GPR132: variants seen among roughly 807,000 people sequenced by gnomAD.
GPR132 encodes the protein probable G protein-coupled receptor 132.
In GPR132, 4 loss-of-function variants were observed where a neutral mutation model predicts 1.9. The observed-to-expected ratio is 2.13, with a 90% CI of 1.05 to 4.87. GPR132 has a LOEUF of 4.87. GPR132 is among the 30% of genes most tolerant of loss of function. The probability of loss-of-function intolerance (pLI) is 0.01; values close to 1 mark genes in which losing one functional copy is unlikely to be tolerated. For synonymous variants in GPR132, 233 were observed against 234.2 expected, an observed-to-expected ratio of 0.99 and a Z score of 0.05; for missense variants, 404 against 512.5, an observed-to-expected ratio of 0.79 and a Z score of 2.04.
intron 1 of GPR132, among the ~76,000 whole-genome samples, chr14:105,065,075 T>C (rs1231835944): frequency 6.6e-6 from 1 of 151,838 alleles, no homozygotes; most frequent in African/African-American, 2.4e-5. Flanking sequence ...TCTGGACCAG[T>C]AGCCAGGGAA....
In GPR132 at chr14:105,049,523, A is replaced by G. The variant is rs1483836921; in HGVS notation, c.*1471T>C. ...ACTGATCCTCCCGTCTCGGCCTCCCAAAGTGCTGGGATGACAGGCGTGAGC... is the reference window on the plus strand; with the variant it reads ...ACTGATCCTCCCGTCTCGGCCTCCCGAAGTGCTGGGATGACAGGCGTGAGC... On this transcript the variant is annotated 3_prime_UTR_variant, in exon 4 of 4. Transcript: ENST00000329797. 2.6e-5 allele frequency: 4 copies of G among 152,084 alleles called. No individual in the cohort carries two copies. 9.4% of individuals were successfully genotyped at this position (152,084 alleles called of 1,614,324 possible).
At chr14:105,054,070 T>A in intron 3 of GPR132, 2 of 1,288,756 alleles carry the variant, frequency 1.6e-6, no homozygotes, top group Non-Finnish European at 2.0e-6. Flanking sequence ...CTGCCCACTC[T>A]GGCTGAGTTC....
intron 3 of GPR132, among the ~76,000 whole-genome samples, 174 bp from the exon 4 acceptor site, chr14:105,052,276 C>A (rs1261103091): frequency 6.6e-6 from 1 of 152,192 alleles, no homozygotes; most frequent in African/African-American, 2.4e-5. Context: ...GGATCTCCAA[C>A]CTAGCAGCGT....
Position 105,060,814 on chromosome 14 carries a change from C to T in GPR132, c.-860-3534G>A, listed in dbSNP as rs1302365520. 6.6e-6 allele frequency among the ~76,000 whole-genome samples: 1 copy of T among 152,250 alleles called. No individual in the cohort carries two copies. Among genetic ancestry groups the T allele is most frequent in the African/African-American group, 2.4e-5 (1 of 41,466 alleles). On this transcript the variant is annotated intron_variant, in intron 1 of 3. Coordinates refer to ENST00000329797, the MANE Select transcript of GPR132 (RefSeq NM_013345.4). This position sits in a 1 kb window ranked among gnomAD's most constrained non-coding sequence, Gnocchi z 6.3. The stretch of plus-strand genomic sequence containing the variant: ...CCAATGCCAGCCGGCAACCCTGGGT[C>T]AGAGGGCTGCAAGCACTTCTGCAAA...
chr14:105,059,619 C>T lies in GPR132; in HGVS notation c.-860-2339G>A, dbSNP rs1445887333. 2.6e-5 allele frequency among the ~76,000 whole-genome samples: 4 copies of T among 151,842 alleles called. No individual in the cohort carries two copies. The highest frequency in any genetic ancestry group is 6.5e-5 in the Admixed American group (1 of 15,268). On this transcript the variant is annotated intron_variant, in intron 1 of 3. Coordinates refer to ENST00000329797, the MANE Select transcript of GPR132 (RefSeq NM_013345.4). This position sits in a 1 kb window ranked among gnomAD's most constrained non-coding sequence, Gnocchi z 4.2. The stretch of plus-strand genomic sequence containing the variant: ...TGGTTGGGAAGCCCCCTCCCTGCTT[C>T]GAGTTGTCCCCACCTTTCTGGACGG...
chr14:105,052,164 C>G, intron 3 of GPR132, 62 bp from the exon 4 acceptor site: 3 of 1,365,140 alleles, frequency 2.2e-6, no homozygotes, highest in Non-Finnish European at 3.0e-6. Context: ...AGAGACTCTA[C>G]TGTGGGAAGA....
intron 1 of GPR132, chr14:105,057,492 A>G (rs1886826780): frequency 3.6e-6 from 1 of 280,232 alleles, no homozygotes; most frequent in African/African-American, 2.2e-5. Context: ...CACATTAGCC[A>G]CTGCGACTAC....
Position 105,050,132 on chromosome 14 carries a change from C to T in GPR132, c.*862G>A, listed in dbSNP as rs754483459. 6.6e-6 allele frequency: 1 copy of T among 152,314 alleles called. No homozygotes were observed. Among genetic ancestry groups the T allele is most frequent in the Non-Finnish European group, 1.5e-5 (1 of 68,098 alleles). 9.4% of individuals were successfully genotyped at this position (152,314 alleles called of 1,614,324 possible). Reference sequence around the variant, plus strand: ...CTTTGCGGCAGACCCAGATCTGACTCAGCCCCGAGGGTGCAGGGAGCTGGC... The same window carrying T: ...CTTTGCGGCAGACCCAGATCTGACTTAGCCCCGAGGGTGCAGGGAGCTGGC... On this transcript the variant is annotated 3_prime_UTR_variant, in exon 4 of 4. Coordinates refer to ENST00000329797, the MANE Select transcript of GPR132 (RefSeq NM_013345.4). This position sits in a 1 kb window ranked among gnomAD's most constrained non-coding sequence, Gnocchi z 4.0.
Position 105,051,766 on chromosome 14 carries a change from CAGA to C in GPR132, c.368_370del (p.Phe123del), listed in dbSNP as rs779188890. On this transcript the variant is annotated inframe_deletion, in exon 4 of 4. Coordinates refer to ENST00000329797, the MANE Select transcript of GPR132 (RefSeq NM_013345.4). The surrounding 1 kb of genome is among the most constrained non-coding windows in gnomAD (Gnocchi z 8.0). ...GAAGAGGATGCTGACGTAGATGTTGCAGAAGAAGATGTAGGCGGTCACCTTGCA... is the reference window on the plus strand; with the variant it reads ...GAAGAGGATGCTGACGTAGATGTTGCAGAAGATGTAGGCGGTCACCTTGCA... 2 of 1,614,202 alleles carry C rather than the reference CAGA, an allele frequency of 1.2e-6. No individual in the cohort carries two copies. The highest frequency in any genetic ancestry group is 1.3e-5 in the African/African-American group (1 of 75,058).
At chr14:105,053,147 CTTTTTTTTTT>C (rs1162515395) in intron 3 of GPR132, among the ~76,000 whole-genome samples, 1 of 98,990 alleles carries the variant, frequency 1.0e-5, no homozygotes, top group African/African-American at 4.2e-5. Flanking sequence ...AACCTGTAGT[CTTTTTTTTTT>C]TTTTTTTTTT....
Position 105,051,776 on chromosome 14 carries a change from T to A in GPR132, c.361A>T (p.Ile121Phe). 1.9e-6 allele frequency: 3 copies of A among 1,614,148 alleles called. No individual in the cohort carries two copies. Among genetic ancestry groups the A allele is most frequent in the Non-Finnish European group, 2.5e-6 (3 of 1,180,020 alleles). Residue 121 changes from isoleucine (I) to phenylalanine (F), a missense_variant, in exon 4 of 4, where the codon ATC (isoleucine) becomes TTC (phenylalanine). Coordinates refer to ENST00000329797, the MANE Select transcript of GPR132 (RefSeq NM_013345.4). This position sits in a 1 kb window ranked among gnomAD's most constrained non-coding sequence, Gnocchi z 8.0. ...GLLACKVTAY[I>F]FFCNIYVSIL... Reference sequence around the variant, plus strand: ...CTGACGTAGATGTTGCAGAAGAAGATGTAGGCGGTCACCTTGCAGGCCAGC... The same window carrying A: ...CTGACGTAGATGTTGCAGAAGAAGAAGTAGGCGGTCACCTTGCAGGCCAGC...
At position 105,051,613 on chromosome 14, in the gene GPR132, T is replaced by C. The variant is rs1886645137; in HGVS notation, c.524A>G (p.Tyr175Cys). The change falls in exon 4 of 4, where the codon TAC becomes TGC. Residue 175 changes from tyrosine to cysteine, a missense_variant. By Grantham distance (194) the Tyr-to-Cys change is radical. Transcript: ENST00000329797. The surrounding 1 kb of genome is among the most constrained non-coding windows in gnomAD (Gnocchi z 8.0). ...CIFILVGIVH[Y>C]PVFQTEDKET... ...CTTGTCTTCCGTCTGGAACACCGGG[T>C]AGTGAACGATCCCGACGAGGATGAA... 1 of 1,613,758 alleles carries C rather than the reference T, an allele frequency of 6.2e-7. No individual in the cohort carries two copies. The highest frequency in any genetic ancestry group is 1.3e-5 in the African/African-American group (1 of 74,880).
chr14:105,053,193 C>T (rs1886699644), intron 3 of GPR132, among the ~76,000 whole-genome samples: 1 of 132,704 alleles, frequency 7.5e-6, no homozygotes, highest in Non-Finnish European at 1.5e-5. Context: ...TCTCCCTCTG[C>T]TCTGTTGCCC....
chr14:105,061,065 A>C (rs1225297263), intron 1 of GPR132, among the ~76,000 whole-genome samples: 1 of 152,252 alleles, frequency 6.6e-6, no homozygotes, highest in African/African-American at 2.4e-5. Flanking sequence ...ACCTTTGGGC[A>C]CCACAGCCTG....
Position 105,051,125 on chromosome 14 carries a change from GC to G in GPR132, c.1011del (p.Arg337SerfsTer39). 1 of 1,614,176 alleles carries G rather than the reference GC, an allele frequency of 6.2e-7. No individual in the cohort carries two copies. The highest frequency in any genetic ancestry group is 8.5e-7 in the Non-Finnish European group (1 of 1,180,036). ...KEWSMKTDVTRLTHSRDTEEL... is the reference protein window; with the variant it reads ...KEWSMKTDVTXLTHSRDTEEL... ...TCCTCGGTGTCCCTGCTGTGGGTGA[GC>G]CTGGTGACGTCTGTCTTCATGGACC... is the stretch of plus-strand genomic sequence containing the variant. On this transcript the variant is annotated frameshift_variant, in exon 4 of 4. Transcript: ENST00000329797. LOFTEE classifies it low-confidence loss of function (END_TRUNC). This position sits in a 1 kb window ranked among gnomAD's most constrained non-coding sequence, Gnocchi z 8.0.
intron 1 of GPR132, among the ~76,000 whole-genome samples, chr14:105,063,294 T>A (rs1036008832): frequency 6.6e-6 from 1 of 152,008 alleles, no homozygotes; most frequent in Non-Finnish European, 1.5e-5. Context: ...GGATCTAGCA[T>A]GACCTCACCC....
rs1226369508 is a variant in GPR132 at position 105,059,601 on chromosome 14, G to A, written c.-860-2321C>T. Among the ~76,000 whole-genome samples the A allele has an allele frequency of 6.6e-6, 1 of 151,734 alleles. No homozygotes were observed. The highest frequency in any genetic ancestry group is 1.5e-5 in the Non-Finnish European group (1 of 67,920). ...GTGTAGGCGAGAGACAAATGGTTGG[G>A]AAGCCCCCTCCCTGCTTCGAGTTGT... On this transcript the variant is annotated intron_variant, in intron 1 of 3. Transcript: ENST00000329797. This position sits in a 1 kb window ranked among gnomAD's most constrained non-coding sequence, Gnocchi z 4.2.
At chr14:105,052,587 A>G (rs1886680508) in intron 3 of GPR132, among the ~76,000 whole-genome samples, 1 of 151,754 alleles carries the variant, frequency 6.6e-6, no homozygotes, top group African/African-American at 2.4e-5. Context: ...TCAGCTTCCC[A>G]AAGTGCTGGG....
rs142918410 is a variant in GPR132, at chr14:105,059,568, G to A, written c.-860-2288C>T. On this transcript the variant is annotated intron_variant, in intron 1 of 3. Transcript: ENST00000329797. The surrounding 1 kb of genome is among the most constrained non-coding windows in gnomAD (Gnocchi z 4.2). ...AAAACAATGCAACCATTTGTCTCTC[G>A]CCTACCTGTGTAGGCGAGAGACAAA... Among the ~76,000 whole-genome samples, 2 of 151,644 alleles carry A rather than the reference G, an allele frequency of 1.3e-5. No individual in the cohort carries two copies. Among genetic ancestry groups the A allele is most frequent in the African/African-American group, 4.8e-5 (2 of 41,364 alleles).
Sources: allele counts gnomAD v4.1 joint callset (sites outside exome capture counted in the v4.1 genomes callset), GRCh38; gene constraint gnomAD v4.1.1; non-coding constraint Gnocchi (gnomAD v3.1); transcripts MANE v1.5; gene names NCBI Gene and HGNC (gene_info 2026-07-23, HGNC 2026-07-21).